Variants in HNRNPDL observed in about 807,000 individuals in gnomAD.
HNRNPDL encodes the protein heterogeneous nuclear ribonucleoprotein D like, also known as heterogeneous nuclear ribonucleoprotein D-like.
In HNRNPDL, 18 loss-of-function variants were observed where a neutral mutation model predicts 48.0. The observed-to-expected ratio is 0.38, with a 90% CI of 0.26 to 0.56. The LOEUF (loss-of-function observed/expected upper bound fraction) is 0.56, where lower values mean the gene tolerates loss of function less well. Among genes scored for constraint, HNRNPDL ranks in the 20% least tolerant of loss-of-function variants. HNRNPDL has a pLI of 0.77. For synonymous variants in HNRNPDL, 306 were observed against 207.3 expected (o/e 1.48, Z -4.09); for missense variants, 553 against 540.7 (o/e 1.02, Z -0.23).
chr4:82,423,604 ACT>A lies in HNRNPDL; in HGVS notation c.*1300_*1301del. 6.6e-6 allele frequency: 1 copy of A among 152,246 alleles called. No individual in the cohort carries two copies. Among genetic ancestry groups the A allele is most frequent in the South Asian group, 2.1e-4 (1 of 4,822 alleles). 9.4% of individuals were successfully genotyped at this position (152,246 alleles called of 1,614,324 possible). A position where few individuals can be genotyped will look rare whatever the true frequency, so the allele number is the denominator to read the frequency against. On this transcript the variant is annotated 3_prime_UTR_variant, in exon 8 of 8. Coordinates refer to ENST00000295470, the MANE Select transcript of HNRNPDL (RefSeq NM_031372.4). The stretch of plus-strand genomic sequence containing the variant: ...GATCACCCGTTGTGTGAGATCAACT[ACT>A]CTGCCTGTGAACACGTATGCCAATC...
chr4:82,427,939 T>C, intron 3 of HNRNPDL, 79 bp downstream of exon 3: 2 of 1,348,542 alleles, frequency 1.5e-6, no homozygotes, highest in African/African-American at 1.5e-5. Flanking sequence ...GAAACATGAA[T>C]CTGCCCTGCA....
In HNRNPDL at chr4:82,423,415, A is replaced by C; in HGVS notation, c.*1491T>G. On this transcript the variant is annotated 3_prime_UTR_variant, in exon 8 of 8. Transcript: ENST00000295470. ...ATCCCTTCTAACAGCCAACATTGGT[A>C]CTTGGCCTAAGTTTAAGAATAGCAA... 1 of 152,208 alleles carries C rather than the reference A, an allele frequency of 6.6e-6. No homozygotes were observed. Among genetic ancestry groups the C allele is most frequent in the South Asian group, 2.1e-4 (1 of 4,828 alleles). 9.4% of individuals were successfully genotyped at this position (152,208 alleles called of 1,614,324 possible). A position where few individuals can be genotyped will look rare whatever the true frequency, so the allele number is the denominator to read the frequency against.
rs998652082 is a variant in HNRNPDL, at chr4:82,423,340, T to G, written c.*1566A>C. 2 of 152,162 alleles carry G rather than the reference T, an allele frequency of 1.3e-5. No individual in the cohort carries two copies. The highest frequency in any genetic ancestry group is 2.9e-5 in the Non-Finnish European group (2 of 68,024). 9.4% of individuals were successfully genotyped at this position (152,162 alleles called of 1,614,324 possible). ...CACCGCACCTACTGACAACACAACT[T>G]AAAAATGAACTTACTTCCATTCCCT... On this transcript the variant is annotated 3_prime_UTR_variant, in exon 8 of 8. Coordinates refer to ENST00000295470, the MANE Select transcript of HNRNPDL (RefSeq NM_031372.4).
rs752832546 is a variant in HNRNPDL, at chr4:82,429,357, G to T, written c.334C>A (p.Pro112Thr). ...AAATRTARQH[P>T]PADSSVTMED... ...ATAGTGACGGAGCTGTCGGCAGGGGGGTGCTGGCGCGCAGTCCGGGTCGCG... is the reference window on the plus strand; with the variant it reads ...ATAGTGACGGAGCTGTCGGCAGGGGTGTGCTGGCGCGCAGTCCGGGTCGCG... The change falls in exon 1 of 8, where the codon CCC becomes ACC. Residue 112 changes from proline to threonine, a missense_variant. Coordinates refer to ENST00000295470, the MANE Select transcript of HNRNPDL (RefSeq NM_031372.4). 5 of 1,613,654 alleles carry T rather than the reference G, an allele frequency of 3.1e-6. No homozygotes were observed. Among genetic ancestry groups the T allele is most frequent in the Non-Finnish European group, 4.2e-6 (5 of 1,179,860 alleles).
rs577049445 is a variant in HNRNPDL at position 82,422,757 on chromosome 4, T to C, written c.*2149A>G. ...AACCGAGCATTTGTTATAGGTACTT[T>C]AGAATTAATTTCTATCCTCTTCCCG... On this transcript the variant is annotated 3_prime_UTR_variant, in exon 8 of 8. Transcript: ENST00000295470. The C allele has an allele frequency of 3.3e-5, 5 of 152,358 alleles. No individual in the cohort carries two copies. Among genetic ancestry groups the C allele is most frequent in the African/African-American group, 1.2e-4 (5 of 41,588 alleles). The allele number at this position is 152,358 out of a possible 1,614,324, so 9.4% of individuals were successfully genotyped here. A position where few individuals can be genotyped will look rare whatever the true frequency, so the allele number is the denominator to read the frequency against.
rs10026631 is a variant in HNRNPDL, at chr4:82,425,953, T to C, written c.*22+84A>G. The C allele has an allele frequency of 0.032, 28,435 of 888,944 alleles. 633 individuals are homozygous for C. Among genetic ancestry groups the C allele is most frequent in the Non-Finnish European group, 0.04 (21,431 of 541,470 alleles). The allele number at this position is 888,944 out of a possible 1,614,324, so 55.1% of individuals were successfully genotyped here. On this transcript the variant is annotated intron_variant, in intron 7 of 7. Transcript: ENST00000295470. ...AATTTAGTAAAAACAGGCTACATAG[T>C]ATTTTGTTTTTACGTTTCATTTGTC...
In HNRNPDL at chr4:82,427,576, A is replaced by G. The variant is rs777179119; in HGVS notation, c.775-12T>C. On this transcript the variant is annotated splice_polypyrimidine_tract_variant and intron_variant, in intron 3 of 7. Transcript: ENST00000295470. ...TCAATATTTTCAATCTGAAATCGAG[A>G]TGCACACTCAACGTCATCCCATAAT... 1.2e-6 allele frequency: 2 copies of G among 1,606,574 alleles called. No individual in the cohort carries two copies. Among genetic ancestry groups the G allele is most frequent in the Admixed American group, 3.4e-5 (2 of 58,576 alleles).
chr4:82,428,939 G>A (rs1402666040), intron 1 of HNRNPDL, among the ~76,000 whole-genome samples: 3 of 152,332 alleles, frequency 2.0e-5, no homozygotes, highest in African/African-American at 4.8e-5. Flanking sequence ...AAGAGGCGGC[G>A]GCAGCTGCAG....
Position 82,424,765 on chromosome 4 carries a change from C to G in HNRNPDL, c.*141G>C, listed in dbSNP as rs1241070886. ...AAGAAAACTAATTGGCAGCTATATA[C>G]AGTTGGACACAATGGTGTCTTGTAC... On this transcript the variant is annotated 3_prime_UTR_variant, in exon 8 of 8. Coordinates refer to ENST00000295470, the MANE Select transcript of HNRNPDL (RefSeq NM_031372.4). The G allele has an allele frequency of 6.6e-6, 1 of 152,358 alleles. No individual in the cohort carries two copies. Among genetic ancestry groups the G allele is most frequent in the Non-Finnish European group, 1.5e-5 (1 of 68,040 alleles). The allele number at this position is 152,358 out of a possible 1,614,324, so 9.4% of individuals were successfully genotyped here.
chr4:82,429,691 C>T lies in HNRNPDL; in HGVS notation c.-1G>A. Reference sequence around the variant, plus strand: ...GGGAAAGCCTGGGCGGGACCTCCATCGCGGCCCTCCCGGCAAGGAGAGAGG... The same window carrying T: ...GGGAAAGCCTGGGCGGGACCTCCATTGCGGCCCTCCCGGCAAGGAGAGAGG... On this transcript the variant is annotated 5_prime_UTR_variant, in exon 1 of 8. Transcript: ENST00000295470. 1 of 1,349,868 alleles carries T rather than the reference C, an allele frequency of 7.4e-7. No individual in the cohort carries two copies. Among genetic ancestry groups the T allele is most frequent in the Non-Finnish European group, 9.5e-7 (1 of 1,052,846 alleles). The allele number at this position is 1,349,868 out of a possible 1,614,324, so 83.6% of individuals were successfully genotyped here. A position where few individuals can be genotyped will look rare whatever the true frequency, so the allele number is the denominator to read the frequency against.
In HNRNPDL at chr4:82,429,525, G is replaced by C; in HGVS notation, c.166C>G (p.Arg56Gly). The change falls in exon 1 of 8, where the codon CGG becomes GGG. Residue 56 changes from arginine (R) to glycine (G), a missense_variant. By Grantham distance (125) the Arg-to-Gly change is moderately radical. This residue lies in a region of HNRNPDL where 327 missense variants were observed against 203.2 expected (regional missense o/e 1.61). Transcript: ENST00000295470. ...APSSARQGAR[R>G]AQRHVTAQQP... is the part of the protein sequence containing the mutation. ...TGGGCGGTGACGTGGCGCTGGGCCC[G>C]GCGCGCCCCCTGCCGGGCGGAGCTG... The C allele has an allele frequency of 6.7e-7, 1 of 1,492,678 alleles. No individual in the cohort carries two copies. Among genetic ancestry groups the C allele is most frequent in the South Asian group, 1.3e-5 (1 of 77,656 alleles). The allele number at this position is 1,492,678 out of a possible 1,614,324, so 92.5% of individuals were successfully genotyped here. A position where few individuals can be genotyped will look rare whatever the true frequency, so the allele number is the denominator to read the frequency against.
At position 82,423,639 on chromosome 4, in the gene HNRNPDL, A is replaced by G. The variant is rs61132735; in HGVS notation, c.*1267T>C. 6.6e-6 allele frequency: 1 copy of G among 152,022 alleles called. No individual in the cohort carries two copies. The highest frequency in any genetic ancestry group is 1.5e-5 in the Non-Finnish European group (1 of 68,008). 9.4% of individuals were successfully genotyped at this position (152,022 alleles called of 1,614,324 possible). On this transcript the variant is annotated 3_prime_UTR_variant, in exon 8 of 8. Transcript: ENST00000295470. ...TGAACACGTATGCCAATCCCAGTAA[A>G]TAACACTGAGGCCAAGGTCCCAAAA... is the stretch of plus-strand genomic sequence containing the variant.
chr4:82,428,183 C>A lies in HNRNPDL; in HGVS notation c.613-4G>T, dbSNP rs771124077. The A allele has an allele frequency of 1.2e-6, 2 of 1,613,310 alleles. No homozygotes were observed. Among genetic ancestry groups the A allele is most frequent in the Middle Eastern group, 1.6e-4 (1 of 6,082 alleles). ...TGTGTTCTTTCAGTTCCAAAACCTA[C>A]AAGACAGATTTATTTAATCTGACAG... On this transcript the variant is annotated splice_polypyrimidine_tract_variant and splice_region_variant and intron_variant, in intron 2 of 7. Coordinates refer to ENST00000295470, the MANE Select transcript of HNRNPDL (RefSeq NM_031372.4).
At chr4:82,426,873 A>T (rs1265462695) in intron 5 of HNRNPDL, among the ~76,000 whole-genome samples, 1 of 152,214 alleles carries the variant, frequency 6.6e-6, no homozygotes, top group East Asian at 1.9e-4. Context: ...TTAAAGCCGA[A>T]GACAGGTACA....
chr4:82,427,531 T>C lies in HNRNPDL; in HGVS notation c.808A>G (p.Thr270Ala), dbSNP rs377281527. Reference sequence around the variant, plus strand: ...AAACAAAATCCTCTTCTTTCATTTGTTTTTGTATCCATGGGAAGTTCAATA... The same window carrying C: ...AAACAAAATCCTCTTCTTTCATTTGCTTTTGTATCCATGGGAAGTTCAATA... Reference protein sequence around the residue: ...ENIELPMDTKTNERRGFCFIT... With the variant: ...ENIELPMDTKANERRGFCFIT... The change falls in exon 4 of 8, where the codon ACA becomes GCA. Residue 270 changes from threonine (T) to alanine (A), a missense_variant. Thr to Ala is a moderately conservative substitution (Grantham distance 58, BLOSUM62 0). This residue lies in a region of HNRNPDL where 174 missense variants were observed against 204.6 expected (regional missense o/e 0.85). Transcript: ENST00000295470. The C allele has an allele frequency of 6.2e-7, 1 of 1,608,298 alleles. No individual in the cohort carries two copies. The highest frequency in any genetic ancestry group is 1.1e-5 in the South Asian group (1 of 89,282).
At position 82,423,706 on chromosome 4, in the gene HNRNPDL, C is replaced by G. The variant is rs1721288745; in HGVS notation, c.*1200G>C. 1 of 152,184 alleles carries G rather than the reference C, an allele frequency of 6.6e-6. No individual in the cohort carries two copies. Among genetic ancestry groups the G allele is most frequent in the Non-Finnish European group, 1.5e-5 (1 of 68,034 alleles). The allele number at this position is 152,184 out of a possible 1,614,324, so 9.4% of individuals were successfully genotyped here. A position where few individuals can be genotyped will look rare whatever the true frequency, so the allele number is the denominator to read the frequency against. On this transcript the variant is annotated 3_prime_UTR_variant, in exon 8 of 8. Transcript: ENST00000295470. ...GCAAAATCCAAAGCTTTTTATTATT[C>G]CAGGTCCTCTGAAACCTGGATATAA...
At chr4:82,427,379 A>T in intron 4 of HNRNPDL, 54 bp downstream of exon 4, 1 of 1,532,488 alleles carries the variant, frequency 6.5e-7, no homozygotes, top group Non-Finnish European at 8.8e-7. Context: ...TCTCCACATC[A>T]AGAAATTATT....
At chr4:82,426,390 T>C in intron 6 of HNRNPDL, 73 bp downstream of exon 6, 9 of 1,364,938 alleles carry the variant, frequency 6.6e-6, no homozygotes, top group Non-Finnish European at 9.3e-6. Context: ...TACACACAAT[T>C]TCAGAACAGG....
rs1424428682 is a variant in HNRNPDL, at chr4:82,423,170, TCA to T, written c.*1734_*1735del. Reference sequence around the variant, plus strand: ...ATCTCTAGATGTAGTGTATTTTTTCTCAGTCATACATATCAAGACTTGATTAA... The same window carrying T: ...ATCTCTAGATGTAGTGTATTTTTTCTGTCATACATATCAAGACTTGATTAA... On this transcript the variant is annotated 3_prime_UTR_variant, in exon 8 of 8. Transcript: ENST00000295470. 1 of 152,244 alleles carries T rather than the reference TCA, an allele frequency of 6.6e-6. No individual in the cohort carries two copies. The highest frequency in any genetic ancestry group is 2.4e-5 in the African/African-American group (1 of 41,460). The allele number at this position is 152,244 out of a possible 1,614,324, so 9.4% of individuals were successfully genotyped here.
Sources: gnomAD v4.1 joint callset for allele counts (sites outside exome capture counted in the v4.1 genomes callset) on GRCh38, gnomAD v4.1.1 for gene constraint, gnomAD v4.1.1 regional missense constraint, MANE v1.5 for transcripts, NCBI Gene and HGNC (gene_info 2026-07-23, HGNC 2026-07-21) for gene names.